The following SCN4A variants were observed in gnomAD, a reference collection of about 807,000 sequenced individuals.
The protein encoded by SCN4A is sodium channel protein type 4 subunit alpha.
SCN4A carries 83 observed loss-of-function variants against 162.0 expected under a neutral mutation model. The ratio of observed to expected loss-of-function variants is 0.51; its 90% confidence interval spans 0.43 to 0.61. The LOEUF is 0.61. SCN4A is among the 20% of genes least tolerant of loss of function. The pLI, the probability that SCN4A is intolerant of heterozygous loss-of-function variation, is 0.00. For missense variants in SCN4A, 2,196 were observed against 2,462.5 expected (o/e 0.89, Z 2.29); for synonymous variants, 944 against 985.1 (o/e 0.96, Z 0.78).
At chr17:63,955,642 G>A (rs1255296072) in intron 13 of SCN4A, among the ~76,000 whole-genome samples, 1 of 152,132 alleles carries the variant, frequency 6.6e-6, no homozygotes, top group African/African-American at 2.4e-5. Context: ...TCACCCCCAA[G>A]TCCTTAGACT....
chr17:63,945,661 C>A lies in SCN4A; in HGVS notation c.3442-23G>T. 1 of 1,613,102 alleles carries A rather than the reference C, an allele frequency of 6.2e-7. No individual in the cohort carries two copies. Among genetic ancestry groups the A allele is most frequent in the Non-Finnish European group, 8.5e-7 (1 of 1,179,532 alleles). ...CACCTGGGGGCCAGGGGGTCCATTG[C>A]CAGTGCCTCTCCCAGCCTCTGAGAG... On this transcript the variant is annotated intron_variant, in intron 18 of 23. Transcript: ENST00000435607. The surrounding 1 kb of genome is among the most constrained non-coding windows in gnomAD (Gnocchi z 4.4).
intron 8 of SCN4A, 24 bp from the exon 9 acceptor site, chr17:63,964,701 G>C: frequency 6.3e-7 from 1 of 1,580,594 alleles, no homozygotes; most frequent in African/African-American, 1.3e-5. Context: ...GAGAGGGAGT[G>C]GAGGGGTCCC....
rs80338788 is a variant in SCN4A at position 63,959,269 on chromosome 17, C to A, written c.2015G>T (p.Arg672Leu). The A allele has an allele frequency of 6.2e-7, 1 of 1,610,462 alleles. No homozygotes were observed. Among genetic ancestry groups the A allele is most frequent in the East Asian group, 2.2e-5 (1 of 44,814 alleles). ...VQGLSVLRSF[R>L]LLRVFKLAKS... ...GGCCCTGGGGCTTTTGTGTACCAGA[C>A]GGAAGGAGCGTAGCACAGACAGTCC... The change falls in exon 12 of 24, where the codon CGT becomes CTT. Residue 672 changes from arginine (R) to leucine (L), a missense_variant. Arg to Leu is a moderately radical substitution (Grantham distance 102). Transcript: ENST00000435607.
At chr17:63,949,550 A>T in intron 14 of SCN4A, 22 bp from the exon 15 acceptor site, 2 of 1,588,028 alleles carry the variant, frequency 1.3e-6, no homozygotes, top group Non-Finnish European at 1.7e-6. Flanking sequence ...ACAGGGTCAC[A>T]TGACATCTGG....
At chr17:63,958,960 G>T (rs1413040356) in intron 12 of SCN4A, among the ~76,000 whole-genome samples, 1 of 152,210 alleles carries the variant, frequency 6.6e-6, no homozygotes, top group African/African-American at 2.4e-5. Context: ...CCGGCTTTCA[G>T]GTCTGCAGTA....
At position 63,941,567 on chromosome 17, in the gene SCN4A, G is replaced by T. The variant is rs1567816244; in HGVS notation, c.4715C>A (p.Ser1572Tyr). 6.2e-7 allele frequency: 1 copy of T among 1,614,108 alleles called. No individual in the cohort carries two copies. The highest frequency in any genetic ancestry group is 8.5e-7 in the Non-Finnish European group (1 of 1,180,020). Reference sequence around the variant, plus strand: ...GCTGCAGAAGAAGCAGATGCCGATGGAGGGGTTGCCGCAGTCACCCTTGAC... The same window carrying T: ...GCTGCAGAAGAAGCAGATGCCGATGTAGGGGTTGCCGCAGTCACCCTTGAC... ...TSVKGDCGNPSIGICFFCSYI... is the reference protein window; with the variant it reads ...TSVKGDCGNPYIGICFFCSYI... Residue 1572 changes from serine to tyrosine, a missense_variant, in exon 24 of 24, where the codon TCC becomes TAC. By Grantham distance (144) the Ser-to-Tyr change is moderately radical. Coordinates refer to ENST00000435607, the MANE Select transcript of SCN4A (RefSeq NM_000334.4). The surrounding 1 kb of genome is among the most constrained non-coding windows in gnomAD (Gnocchi z 6.2).
intron 9 of SCN4A, among the ~76,000 whole-genome samples, chr17:63,964,130 C>A (rs1167353369): frequency 2.0e-5 from 3 of 152,300 alleles, no homozygotes; most frequent in Middle Eastern, 6.8e-3. Flanking sequence ...CAGGACCTGC[C>A]CTTCCCTCAG....
chr17:63,966,951 C>G (rs1273035306), intron 6 of SCN4A, among the ~76,000 whole-genome samples: 2 of 136,850 alleles, frequency 1.5e-5, no homozygotes, highest in African/African-American at 2.4e-5. Context: ...TGTAGACTAA[C>G]AGTGGCTGTG....
At position 63,950,674 on chromosome 17, in the gene SCN4A, T is replaced by C. The variant is rs1349579939; in HGVS notation, c.2853+750A>G. Among the ~76,000 whole-genome samples the C allele has an allele frequency of 1.3e-5, 2 of 152,220 alleles. No individual in the cohort carries two copies. ...GCAGGGGCCCTCGTCCTAGCTCCTG[T>C]ATGAGTCCTTTCCCTGCCAGAGCTG... On this transcript the variant is annotated intron_variant, in intron 14 of 23. Transcript: ENST00000435607. The surrounding 1 kb of genome is among the most constrained non-coding windows in gnomAD (Gnocchi z 4.6).
chr17:63,964,519 C>T lies in SCN4A; in HGVS notation c.1401G>A (p.Glu467=). ...TLAEDKEKEE[E]FQQMLEKFKK... ...TGAACTTCTCAAGCATCTGCTGAAA[C>T]TCCTCCTCTTTCTCCTTATCCTCGG... The change falls in exon 9 of 24, where the codon GAG becomes GAA. Residue 467 remains glutamate, a synonymous_variant. Transcript: ENST00000435607. 6.2e-7 allele frequency: 1 copy of T among 1,614,048 alleles called. No homozygotes were observed. Among genetic ancestry groups the T allele is most frequent in the Non-Finnish European group, 8.5e-7 (1 of 1,179,890 alleles).
At position 63,943,803 on chromosome 17, in the gene SCN4A, A is replaced by G. The variant is rs1173562482; in HGVS notation, c.3960T>C (p.Tyr1320=). ...TGGAGCCAAGCTTCTTCATGGCGTT[A>G]TAGTATTTCTTCTGTTCCTCCGTCA... The part of the protein sequence containing the change: ...IFMTEEQKKY[Y]NAMKKLGSKK... Residue 1320 remains tyrosine (Y), a synonymous_variant, in exon 22 of 24, where the codon TAT becomes TAC. Transcript: ENST00000435607. 6 of 1,613,392 alleles carry G rather than the reference A, an allele frequency of 3.7e-6. No individual in the cohort carries two copies. The East Asian group carries it at 1.1e-4, about 30-fold the overall frequency.
intron 12 of SCN4A, among the ~76,000 whole-genome samples, chr17:63,958,801 C>T (rs757526259): frequency 2.0e-5 from 3 of 152,352 alleles, no homozygotes; most frequent in South Asian, 2.1e-4. Flanking sequence ...GATCCACGCG[C>T]CTTGGCCTCC....
chr17:63,963,833 C>A lies in SCN4A; in HGVS notation c.1453-8G>T, dbSNP rs1909349500. On this transcript the variant is annotated splice_region_variant and splice_polypyrimidine_tract_variant and intron_variant, in intron 9 of 23. Transcript: ENST00000435607. ...AGCTTGGGCGGCCTTGGCCTGTAGA[C>A]CAGCAAGAGTGACTGGCAGGAAGTC... 1 of 1,593,248 alleles carries A rather than the reference C, an allele frequency of 6.3e-7. No individual in the cohort carries two copies. Among genetic ancestry groups the A allele is most frequent in the Non-Finnish European group, 8.5e-7 (1 of 1,170,136 alleles).
chr17:63,942,776 C>T (rs757792891), intron 23 of SCN4A, 50 bp downstream of exon 23: 16 of 1,568,298 alleles, frequency 1.0e-5, no homozygotes, highest in Admixed American at 5.3e-5. Flanking sequence ...TGGGTCTTCC[C>T]GAGTGCCTCA....
intron 23 of SCN4A, 49 bp downstream of exon 23, chr17:63,942,777 G>C: frequency 1.3e-6 from 2 of 1,570,924 alleles, no homozygotes; most frequent in Non-Finnish European, 1.7e-6. Context: ...GGGTCTTCCC[G>C]AGTGCCTCAG....
At chr17:63,942,026 TG>T in intron 23 of SCN4A, 33 bp from the exon 24 acceptor site, 1 of 1,511,424 alleles carries the variant, frequency 6.6e-7, no homozygotes, top group Admixed American at 2.1e-5. Flanking sequence ...ACGCTGCCAC[TG>T]GGGAGGGGGG....
At chr17:63,961,632 G>C (rs945308805) in intron 10 of SCN4A, 15 of 499,278 alleles carry the variant, frequency 3.0e-5, no homozygotes, top group African/African-American at 2.2e-4. Flanking sequence ...GCCCCACATG[G>C]CTTCACCCCA....
In SCN4A at chr17:63,941,998, G is replaced by T; in HGVS notation, c.4289-5C>A. On this transcript the variant is annotated splice_polypyrimidine_tract_variant and splice_region_variant and intron_variant, in intron 23 of 23. Coordinates refer to ENST00000435607, the MANE Select transcript of SCN4A (RefSeq NM_000334.4). The surrounding 1 kb of genome is among the most constrained non-coding windows in gnomAD (Gnocchi z 6.2). Reference sequence around the variant, plus strand: ...TCAGGTCAGAGAGGGCAAGGCCTGCGGGGAGAAGCTAGTGAGGACGCTGCC... The same window carrying T: ...TCAGGTCAGAGAGGGCAAGGCCTGCTGGGAGAAGCTAGTGAGGACGCTGCC... 2 of 1,558,050 alleles carry T rather than the reference G, an allele frequency of 1.3e-6. No homozygotes were observed. The highest frequency in any genetic ancestry group is 1.4e-5 in the African/African-American group (1 of 74,028).
intron 23 of SCN4A, 70 bp from the exon 24 acceptor site, chr17:63,942,063 G>C: frequency 1.4e-6 from 2 of 1,395,334 alleles, no homozygotes; most frequent in Non-Finnish European, 1.9e-6. Context: ...GGGAGCATGC[G>C]GGGCTCAGGG....
Sources: allele counts gnomAD v4.1 joint callset (sites outside exome capture counted in the v4.1 genomes callset), GRCh38; gene constraint gnomAD v4.1.1; non-coding constraint Gnocchi (gnomAD v3.1); transcripts MANE v1.5; gene names NCBI Gene and HGNC (gene_info 2026-07-23, HGNC 2026-07-21).